Variants in AVEN observed in about 807,000 individuals in gnomAD.
AVEN encodes cell death regulator Aven.
AVEN carries 41 observed loss-of-function variants against 38.1 expected under a neutral mutation model. The ratio of observed to expected loss-of-function variants is 1.08; its 90% CI spans 0.84 to 1.40. The LOEUF is 1.40. AVEN is among the 40% of genes most tolerant of loss of function. The pLI is 0.00. For missense variants in AVEN, 605 were observed against 438.8 expected, an observed-to-expected ratio of 1.38 and a Z score of -3.38; for synonymous variants, 206 against 171.8, an observed-to-expected ratio of 1.20 and a Z score of -1.56.
At chr15:34,035,620 T>G (rs2339352) in intron 1 of AVEN, among the ~76,000 whole-genome samples, 125,929 of 152,078 alleles carry the variant, frequency 0.83, 52,361 homozygotes, top group East Asian at 1. Context: ...CATCTTATAT[T>G]AAGTACTCGA....
intron 1 of AVEN, among the ~76,000 whole-genome samples, chr15:34,073,519 C>CTTTTTT: frequency 1.1e-5 from 1 of 88,502 alleles, no homozygotes; most frequent in Non-Finnish European, 2.2e-5. Flanking sequence ...TTTCTTTTTT[C>CTTTTTT]TTTTTTTTTT....
At chr15:33,989,879 T>A (rs1350541859) in intron 2 of AVEN, among the ~76,000 whole-genome samples, 1 of 150,282 alleles carries the variant, frequency 6.7e-6, no homozygotes, top group Non-Finnish European at 1.5e-5. Context: ...CAATAGCAAT[T>A]GAGACGGATA....
intron 2 of AVEN, among the ~76,000 whole-genome samples, chr15:33,939,076 C>T (rs1200108439): frequency 6.6e-6 from 1 of 152,142 alleles, no homozygotes; most frequent in Non-Finnish European, 1.5e-5. Context: ...CTCCTGACTT[C>T]GTGATTCGCC....
chr15:33,880,725 C>A (rs1891450193), intron 2 of AVEN, among the ~76,000 whole-genome samples: 2 of 151,566 alleles, frequency 1.3e-5, no homozygotes, highest in African/African-American at 2.4e-5. Flanking sequence ...AAGATGAGAC[C>A]AAAATAGTAG....
chr15:33,990,232 C>A, intron 2 of AVEN, among the ~76,000 whole-genome samples: 1 of 150,756 alleles, frequency 6.6e-6, no homozygotes, highest in East Asian at 1.9e-4. Flanking sequence ...ACAAAAAAAA[C>A]TTAGCCAGGC....
At chr15:33,924,318 C>G (rs1597236563) in intron 2 of AVEN, among the ~76,000 whole-genome samples, 1 of 149,188 alleles carries the variant, frequency 6.7e-6, no homozygotes. Flanking sequence ...TGCAGTGAGC[C>G]GAGATCATGC....
At chr15:34,041,556 A>G (rs1215272069), upstream of AVEN, among the ~76,000 whole-genome samples, 2 of 152,212 alleles carry the variant, frequency 1.3e-5, no homozygotes, top group East Asian at 3.8e-4. Flanking sequence ...AGCCAGTGTT[A>G]TTAGGGCACA....
chr15:34,061,933 G>T (rs567240477), intron 5 of AVEN, among the ~76,000 whole-genome samples: 2 of 152,138 alleles, frequency 1.3e-5, no homozygotes, highest in Non-Finnish European at 1.5e-5. Context: ...AGTGCATGAC[G>T]ATTTAGGTAT....
At position 33,935,198 on chromosome 15, in the gene AVEN, C is replaced by T. The variant is rs1894010978; in HGVS notation, c.446-59203G>A. 2.0e-5 allele frequency among the ~76,000 whole-genome samples: 3 copies of T among 152,196 alleles called. 1 individual carries two copies. The South Asian group carries it at 6.2e-4, about 32-fold the overall frequency. ...AAATCCTGAGACACTTAATTGAAAA[C>T]ATCTCTTTCCACAGGTCGTCATAAA... On this transcript the variant is annotated intron_variant, in intron 2 of 5. Transcript: ENST00000306730.
chr15:33,962,250 A>T (rs1322092422), intron 2 of AVEN, among the ~76,000 whole-genome samples: 1 of 152,236 alleles, frequency 6.6e-6, no homozygotes, highest in Non-Finnish European at 1.5e-5. Context: ...TGTCAATTGT[A>T]AAGTATTCCT....
chr15:33,883,542 C>A (rs555962866), intron 2 of AVEN: 1 of 152,142 alleles, frequency 6.6e-6, no homozygotes, highest in Non-Finnish European at 1.5e-5. Context: ...ATGAGAAAAG[C>A]ACGCTTCAGT....
downstream of AVEN, among the ~76,000 whole-genome samples, chr15:33,857,088 A>T (rs2079758261): frequency 1.3e-5 from 2 of 152,162 alleles, no homozygotes; most frequent in Non-Finnish European, 2.9e-5. Flanking sequence ...TTCAATACTT[A>T]AGTTCCTTTA....
chr15:33,876,759 G>T (rs1444362070), intron 2 of AVEN, among the ~76,000 whole-genome samples: 2 of 152,130 alleles, frequency 1.3e-5, no homozygotes, highest in Non-Finnish European at 2.9e-5. Flanking sequence ...TGATAGGTGT[G>T]TGTACTTACT....
At chr15:33,931,622 G>A (rs918439083) in intron 2 of AVEN, among the ~76,000 whole-genome samples, 11 of 152,082 alleles carry the variant, frequency 7.2e-5, no homozygotes, top group Non-Finnish European at 1.2e-4. Context: ...TGCCCGCCTC[G>A]GCCTCCCAAG....
intron 1 of AVEN, among the ~76,000 whole-genome samples, chr15:34,021,132 T>C (rs1023988024): frequency 7.9e-5 from 12 of 152,200 alleles, no homozygotes; most frequent in African/African-American, 2.9e-4. Context: ...ATAAAATGCC[T>C]ATCTTTTCTC....
intron 2 of AVEN, among the ~76,000 whole-genome samples, chr15:33,995,859 A>T (rs1896909880): frequency 6.6e-6 from 1 of 152,198 alleles, no homozygotes; most frequent in Non-Finnish European, 1.5e-5. Context: ...ACGGAGGGCG[A>T]GCTGAAGCGG....
intron 2 of AVEN, among the ~76,000 whole-genome samples, chr15:33,879,484 A>G (rs961191745): frequency 6.6e-6 from 1 of 151,772 alleles, no homozygotes; most frequent in Non-Finnish European, 1.5e-5. Context: ...GCACACCAGC[A>G]TGGCACATGT....
At chr15:33,933,524 C>CACACACACACACACACAGAG (rs1893945145) in intron 2 of AVEN, among the ~76,000 whole-genome samples, 15 of 46,646 alleles carry the variant, frequency 3.2e-4, no homozygotes, top group East Asian at 1.4e-3. Flanking sequence ...CACACACACA[C>CACACACACACACACACAGAG]AGAGAGAGAG....
chr15:33,911,816 G>T lies in AVEN; in HGVS notation c.446-35821C>A, dbSNP rs116747899. ...AAATTGAAGTAGCAATTACAGGCTA[G>T]CAACTAGCTAATGACTTATACCGTT... On this transcript the variant is annotated intron_variant, in intron 2 of 5. Coordinates refer to ENST00000306730, the MANE Select transcript of AVEN (RefSeq NM_020371.3). 3.8e-3 allele frequency among the ~76,000 whole-genome samples: 582 copies of T among 152,314 alleles called. 3 individuals carry two copies. Among genetic ancestry groups the T allele is most frequent in the African/African-American group, 0.013 (556 of 41,574 alleles).
Sources: allele counts gnomAD v4.1 joint callset (sites outside exome capture counted in the v4.1 genomes callset), GRCh38; gene constraint gnomAD v4.1.1; transcripts MANE v1.5; gene names NCBI Gene and HGNC (gene_info 2026-07-23, HGNC 2026-07-21).